The following ASTN2 variants were observed in gnomAD, a reference collection of about 807,000 sequenced individuals.
ASTN2 encodes astrotactin 2, also known as astrotactin-2.
Under a neutral mutation model 139.8 loss-of-function variants are expected in ASTN2, and 54 were observed. That is an observed-to-expected ratio of 0.39 (90% CI 0.31 to 0.48). ASTN2 has a LOEUF of 0.48. ASTN2 is among the 20% of genes least tolerant of loss of function. The pLI, the probability that ASTN2 is intolerant of heterozygous loss-of-function variation, is 0.95. For missense variants in ASTN2, 1,565 were observed against 1,725.1 expected (o/e 0.91, Z 1.64); for synonymous variants, 756 against 719.5 (o/e 1.05, Z -0.81).
chr9:117,251,907 G>C (rs1322638791), intron 2 of ASTN2, among the ~76,000 whole-genome samples: 1 of 152,156 alleles, frequency 6.6e-6, no homozygotes, highest in African/African-American at 2.4e-5. Context: ...CAGGAATTGG[G>C]AGCTCACTAA....
At chr9:117,347,773 GA>G (rs1225923593) in intron 1 of ASTN2, among the ~76,000 whole-genome samples, 1 of 152,124 alleles carries the variant, frequency 6.6e-6, no homozygotes, top group Non-Finnish European at 1.5e-5. Flanking sequence ...TGCTAAAGAG[GA>G]ACAAAAAGAC....
chr9:116,935,814 G>A (rs184942411), intron 10 of ASTN2, among the ~76,000 whole-genome samples: 4 of 152,206 alleles, frequency 2.6e-5, no homozygotes, highest in Admixed American at 2.0e-4. Context: ...TGTTTAGTAC[G>A]ATTTATGTTT....
intron 6 of ASTN2, among the ~76,000 whole-genome samples, chr9:117,020,507 G>T (rs768374640): frequency 6.6e-6 from 1 of 151,878 alleles, no homozygotes; most frequent in Non-Finnish European, 1.5e-5. Context: ...CTTACTACCC[G>T]TATCTTCCCA....
intron 1 of ASTN2, among the ~76,000 whole-genome samples, chr9:117,311,314 T>C (rs1258573496): frequency 6.6e-6 from 1 of 151,830 alleles, no homozygotes; most frequent in Non-Finnish European, 1.5e-5. Flanking sequence ...TTTATCCTCC[T>C]AATGAAATCA....
Position 116,698,900 on chromosome 9 carries a change from AGTCGCT to A in ASTN2, c.2806+26865_2806+26870del. On this transcript the variant is annotated intron_variant, in intron 16 of 22. Coordinates refer to ENST00000313400, the MANE Select transcript of ASTN2 (RefSeq NM_001365068.1). The surrounding 1 kb of genome is among the most constrained non-coding windows in gnomAD (Gnocchi z 4.4). Reference sequence around the variant, plus strand: ...ACGTGACCAGTCAAGGTGAAGTACTAGTCGCTGACCGTGGTAACTATCGTATACAAG... The same window carrying A: ...ACGTGACCAGTCAAGGTGAAGTACTAGACCGTGGTAACTATCGTATACAAG... 6.2e-7 allele frequency: 1 copy of A among 1,614,222 alleles called. No homozygotes were observed. Among genetic ancestry groups the A allele is most frequent in the Non-Finnish European group, 8.5e-7 (1 of 1,180,030 alleles).
chr9:117,022,661 T>A (rs767931338), intron 6 of ASTN2, among the ~76,000 whole-genome samples: 1 of 152,150 alleles, frequency 6.6e-6, no homozygotes, highest in East Asian at 1.9e-4. Context: ...AATTTCACCT[T>A]GCAAATTTAT....
intron 5 of ASTN2, among the ~76,000 whole-genome samples, chr9:117,087,846 T>C (rs1265997428): frequency 3.3e-5 from 5 of 152,220 alleles, no homozygotes; most frequent in Admixed American, 3.3e-4. Flanking sequence ...AACCCATGTC[T>C]ACTGATTCCA....
intron 4 of ASTN2, among the ~76,000 whole-genome samples, chr9:117,129,622 C>G (rs1829782954): frequency 6.6e-6 from 1 of 152,048 alleles, no homozygotes; most frequent in Non-Finnish European, 1.5e-5. Flanking sequence ...AGTAGTTTCT[C>G]TACTTGGTCT....
intron 5 of ASTN2, among the ~76,000 whole-genome samples, chr9:117,094,176 G>A (rs61325941): frequency 0.59 from 79,378 of 133,564 alleles, 23,647 homozygotes; most frequent in East Asian, 0.84. Flanking sequence ...GGGAGGAAGG[G>A]AGGGAGGGAG....
chr9:117,330,298 C>G (rs1828661284), intron 1 of ASTN2, among the ~76,000 whole-genome samples: 1 of 152,188 alleles, frequency 6.6e-6, no homozygotes, highest in Admixed American at 6.5e-5. Flanking sequence ...AGAAACCCAA[C>G]TGACACAACT....
chr9:116,948,499 T>C (rs1044567633), intron 10 of ASTN2, among the ~76,000 whole-genome samples: 2 of 152,130 alleles, frequency 1.3e-5, no homozygotes, highest in African/African-American at 2.4e-5. Context: ...ATTACTGGTA[T>C]AACTTTAATT....
intron 14 of ASTN2, among the ~76,000 whole-genome samples, chr9:116,732,341 T>C (rs1240361592): frequency 6.6e-6 from 1 of 152,174 alleles, no homozygotes; most frequent in Non-Finnish European, 1.5e-5. Context: ...ATGTGGGTTC[T>C]CTCCTCCATC....
rs1315125687 is a variant in ASTN2 at position 116,425,446 on chromosome 9, A to T, written c.*405T>A. 1 of 970,488 alleles carries T rather than the reference A, an allele frequency of 1.0e-6. No homozygotes were observed. The highest frequency in any genetic ancestry group is 1.6e-6 in the Non-Finnish European group (1 of 631,988). 60.1% of individuals were successfully genotyped at this position (970,488 alleles called of 1,614,324 possible). A position where few individuals can be genotyped will look rare whatever the true frequency, so the allele number is the denominator to read the frequency against. ...CTGTCTCCTCTAGGGGTCAGGTCAA[A>T]ACTGTCCCTCCATAGGTCTCCTCCA... On this transcript the variant is annotated 3_prime_UTR_variant, in exon 23 of 23. Transcript: ENST00000313400.
rs544958972 is a variant in ASTN2, at chr9:117,266,480, C to T, written c.630+24846G>A. On this transcript the variant is annotated intron_variant, in intron 2 of 22. Coordinates refer to ENST00000313400, the MANE Select transcript of ASTN2 (RefSeq NM_001365068.1). ...TTTCCTAGTAGAGTTAAAAGAGCCA[C>T]CATCAACATTAGAATGCGAAGGTTA... is the stretch of plus-strand genomic sequence containing the variant. Among the ~76,000 whole-genome samples the T allele has an allele frequency of 2.9e-4, 44 of 152,278 alleles. 1 individual carries two copies. The South Asian group carries it at 8.5e-3, about 29-fold the overall frequency.
At chr9:117,276,062 T>C (rs780989612) in intron 2 of ASTN2, among the ~76,000 whole-genome samples, 6 of 152,196 alleles carry the variant, frequency 3.9e-5, no homozygotes, top group Non-Finnish European at 5.9e-5. Context: ...TAATGAAATT[T>C]TAAATGGGAT....
chr9:116,987,054 C>T (rs1416716269), intron 7 of ASTN2, among the ~76,000 whole-genome samples: 14 of 152,176 alleles, frequency 9.2e-5, no homozygotes, highest in Admixed American at 8.5e-4. Context: ...TACAGTTGTG[C>T]CCCCTTATCT....
intron 10 of ASTN2, among the ~76,000 whole-genome samples, chr9:116,935,025 A>C (rs946972797): frequency 6.6e-6 from 1 of 152,162 alleles, no homozygotes; most frequent in Admixed American, 6.5e-5. Context: ...ACCTGTAAAG[A>C]GGTTAGGGGA....
chr9:116,840,840 C>T (rs1832224528), intron 11 of ASTN2, among the ~76,000 whole-genome samples: 1 of 150,802 alleles, frequency 6.6e-6, no homozygotes, highest in Non-Finnish European at 1.5e-5. Context: ...AAGAGGCGCT[C>T]CTCACTTCCT....
chr9:116,940,715 T>C (rs566170509), intron 10 of ASTN2, among the ~76,000 whole-genome samples: 2 of 152,278 alleles, frequency 1.3e-5, no homozygotes, highest in South Asian at 4.1e-4. Flanking sequence ...AAAATAAATT[T>C]AGTGTAGCCT....
Sources: allele counts gnomAD v4.1 joint callset (sites outside exome capture counted in the v4.1 genomes callset), GRCh38; gene constraint gnomAD v4.1.1; non-coding constraint Gnocchi (gnomAD v3.1); transcripts MANE v1.5; gene names NCBI Gene and HGNC (gene_info 2026-07-23, HGNC 2026-07-21).